The following MLKL variants were observed in gnomAD, a reference collection of about 807,000 sequenced individuals.
MLKL encodes the protein mixed lineage kinase domain like pseudokinase.
Under a neutral mutation model 56.5 loss-of-function variants are expected in MLKL, and 55 were observed. That is an observed-to-expected ratio of 0.97 (90% CI 0.78 to 1.22). The LOEUF (loss-of-function observed/expected upper bound fraction) is 1.22, where lower values mean the gene tolerates loss of function less well. Ranked by LOEUF, MLKL falls within the 50% of genes most tolerant of loss-of-function variation. The pLI, the probability that MLKL is intolerant of heterozygous loss-of-function variation, is 0.00. For missense variants in MLKL, 694 were observed against 573.9 expected, an observed-to-expected ratio of 1.21 and a Z score of -2.14; for synonymous variants, 251 against 208.3, an observed-to-expected ratio of 1.20 and a Z score of -1.76.
chr16:74,680,530 G>A (rs746804881), intron 6 of MLKL, among the ~76,000 whole-genome samples: 19 of 148,732 alleles, frequency 1.3e-4, no homozygotes, highest in Non-Finnish European at 2.2e-4. Flanking sequence ...TTTATGAGAC[G>A]GAGTCTCGCT....
chr16:74,690,745 G>A (rs577150952), intron 4 of MLKL, among the ~76,000 whole-genome samples: 80 of 119,626 alleles, frequency 6.7e-4, no homozygotes, highest in African/African-American at 2.6e-3. Flanking sequence ...TCTCACCACT[G>A]CACTCCAGCC....
At chr16:74,696,072 G>A (rs1961024578) in intron 1 of MLKL, among the ~76,000 whole-genome samples, 1 of 152,182 alleles carries the variant, frequency 6.6e-6, no homozygotes, top group African/African-American at 2.4e-5. Context: ...TCGGACTGGG[G>A]CAGCTGTGCC....
intron 2 of MLKL, among the ~76,000 whole-genome samples, chr16:74,694,775 A>AAAAC (rs1177778024): frequency 6.6e-6 from 1 of 152,096 alleles, no homozygotes; most frequent in African/African-American, 2.4e-5. Context: ...GAAACAAAAC[A>AAAAC]AAACAAAACT....
chr16:74,682,846 C>G (rs1186289215), intron 5 of MLKL, 60 bp from the exon 6 acceptor site: 15 of 1,587,926 alleles, frequency 9.4e-6, no homozygotes, highest in Admixed American at 3.5e-5. Flanking sequence ...CCCATGTCTG[C>G]AGCCCACCTC....
intron 5 of MLKL, 82 bp from the exon 6 acceptor site, chr16:74,682,868 G>T: frequency 6.6e-7 from 1 of 1,516,636 alleles, no homozygotes; most frequent in Non-Finnish European, 8.9e-7. Context: ...CCCAGCCTCG[G>T]TACAGATACA....
intron 4 of MLKL, among the ~76,000 whole-genome samples, chr16:74,686,635 C>T (rs116364679): frequency 6.6e-6 from 1 of 152,252 alleles, no homozygotes; most frequent in Admixed American, 6.5e-5. Context: ...AACCAAAATT[C>T]CTTCCAAAAC....
intron 6 of MLKL, among the ~76,000 whole-genome samples, chr16:74,679,181 G>A (rs1340537091): frequency 1.3e-5 from 2 of 152,140 alleles, no homozygotes; most frequent in Non-Finnish European, 2.9e-5. Context: ...ATAGCACAAG[G>A]GGGCATGACA....
rs1462800209 is a variant in MLKL, at chr16:74,695,667, G to A, written c.91C>T (p.Leu31=). 1.2e-6 allele frequency: 2 copies of A among 1,614,178 alleles called. No homozygotes were observed. The highest frequency in any genetic ancestry group is 2.2e-5 in the East Asian group (1 of 44,878). The part of the protein sequence containing the change: ...MKYCKKQCRR[L]GHRVLGLIKP... ...ATCAGGCCGAGGACGCGGTGGCCCA[G>A]GCGCCGGCACTGTTTCTTGCAGTAT... The change falls in exon 2 of 11, where the codon CTG becomes TTG. Residue 31 remains leucine, a synonymous_variant. Transcript: ENST00000308807.
intron 3 of MLKL, 84 bp downstream of exon 3, chr16:74,692,258 G>A: frequency 3.3e-6 from 4 of 1,217,856 alleles, no homozygotes; most frequent in Non-Finnish European, 4.8e-6. Context: ...ACAAATGCAG[G>A]GGTAGCGGGA....
In MLKL at chr16:74,695,643, T is replaced by A. The variant is rs1423954864; in HGVS notation, c.115A>T (p.Ile39Phe). The change falls in exon 2 of 11, where the codon ATC (isoleucine) becomes TTC (phenylalanine). Residue 39 changes from isoleucine to phenylalanine, a missense_variant. Coordinates refer to ENST00000308807, the MANE Select transcript of MLKL (RefSeq NM_152649.4). Reference sequence around the variant, plus strand: ...TCCTGGAGCATCTCCAGAGGCTTGATCAGGCCGAGGACGCGGTGGCCCAGG... The same window carrying A: ...TCCTGGAGCATCTCCAGAGGCTTGAACAGGCCGAGGACGCGGTGGCCCAGG... Reference protein sequence around the residue: ...RRLGHRVLGLIKPLEMLQDQG... With the variant: ...RRLGHRVLGLFKPLEMLQDQG... 13 of 1,614,054 alleles carry A rather than the reference T, an allele frequency of 8.1e-6. No homozygotes were observed. The highest frequency in any genetic ancestry group is 2.2e-5 in the East Asian group (1 of 44,890).
At chr16:74,672,619 C>T in intron 10 of MLKL, 81 bp from the exon 11 acceptor site, 2 of 1,323,320 alleles carry the variant, frequency 1.5e-6, no homozygotes, top group Non-Finnish European at 2.2e-6. Context: ...TTCTACATTG[C>T]ACAGTCATTT....
intron 7 of MLKL, chr16:74,676,474 C>G (rs1167591434): frequency 1.0e-6 from 1 of 985,172 alleles, no homozygotes; most frequent in Non-Finnish European, 1.2e-6. Flanking sequence ...GGCTCATCCC[C>G]CTTTCATTCA....
intron 4 of MLKL, among the ~76,000 whole-genome samples, chr16:74,686,592 A>G (rs536192314): frequency 9.2e-5 from 14 of 152,322 alleles, no homozygotes; most frequent in South Asian, 2.1e-4. Context: ...CCACACACAC[A>G]CAAAAAAAGA....
intron 6 of MLKL, among the ~76,000 whole-genome samples, chr16:74,681,687 G>A (rs997733056): frequency 3.3e-5 from 5 of 151,742 alleles, no homozygotes; most frequent in South Asian, 4.2e-4. Flanking sequence ...CCAGCTACTC[G>A]GGAGGCTAAG....
At chr16:74,676,737 G>A (rs1432843196) in intron 7 of MLKL, 1 of 152,354 alleles carries the variant, frequency 6.6e-6, no homozygotes, top group Non-Finnish European at 1.5e-5. Context: ...AGGACTGGAA[G>A]AAAGAAAACC....
intron 4 of MLKL, among the ~76,000 whole-genome samples, chr16:74,686,841 T>C (rs1960360573): frequency 6.6e-6 from 1 of 152,050 alleles, no homozygotes; most frequent in Admixed American, 6.6e-5. Context: ...CAATTAACAA[T>C]CAAAAGATTA....
chr16:74,695,636 G>A lies in MLKL; in HGVS notation c.122C>T (p.Pro41Leu). The change falls in exon 2 of 11, where the codon CCT becomes CTT. Residue 41 changes from proline (P) to leucine (L), a missense_variant. By Grantham distance (98) the Pro-to-Leu change is moderately conservative (BLOSUM62 -3). Coordinates refer to ENST00000308807, the MANE Select transcript of MLKL (RefSeq NM_152649.4). ...LGHRVLGLIK[P>L]LEMLQDQGKR... ...TCCTTGGTCCTGGAGCATCTCCAGA[G>A]GCTTGATCAGGCCGAGGACGCGGTG... The A allele has an allele frequency of 6.2e-7, 1 of 1,614,178 alleles. No individual in the cohort carries two copies. The highest frequency in any genetic ancestry group is 8.5e-7 in the Non-Finnish European group (1 of 1,180,036).
chr16:74,673,271 A>G (rs1304354062), intron 10 of MLKL, among the ~76,000 whole-genome samples: 1 of 152,056 alleles, frequency 6.6e-6, no homozygotes, highest in Admixed American at 6.6e-5. Context: ...AGGCTGGAGT[A>G]CAGTGGCGCG....
intron 2 of MLKL, among the ~76,000 whole-genome samples, chr16:74,693,047 G>A (rs1212356211): frequency 2.0e-5 from 3 of 152,322 alleles, no homozygotes; most frequent in African/African-American, 7.2e-5. Flanking sequence ...GATAACTCAT[G>A]CATAGTTGGT....
Sources: allele counts gnomAD v4.1 joint callset (sites outside exome capture counted in the v4.1 genomes callset), GRCh38; gene constraint gnomAD v4.1.1; transcripts MANE v1.5; gene names NCBI Gene and HGNC (gene_info 2026-07-23, HGNC 2026-07-21).